The following ZNF146 variants were observed in gnomAD, a reference collection of about 807,000 sequenced individuals.
ZNF146 encodes the protein zinc finger protein 146.
ZNF146 carries 9 observed loss-of-function variants against 22.2 expected under a neutral mutation model. That is an observed-to-expected ratio of 0.41 (90% CI 0.24 to 0.71). The LOEUF is 0.71. Among genes scored for constraint, ZNF146 ranks in the 30% least tolerant of loss-of-function variants. ZNF146 has a pLI of 0.34. For missense variants in ZNF146, 194 were observed against 344.8 expected (o/e 0.56, Z 3.46); for synonymous variants, 108 against 119.2 (o/e 0.91, Z 0.61).
intron 2 of ZNF146, among the ~76,000 whole-genome samples, chr19:36,226,460 A>G (rs1176721316): frequency 6.6e-6 from 1 of 152,190 alleles, no homozygotes; most frequent in African/African-American, 2.4e-5. Context: ...TTACAACTTT[A>G]TAGAAGAGTT....
In ZNF146 at chr19:36,236,862, C is replaced by G. The variant is rs768499137; in HGVS notation, c.422C>G (p.Ser141Cys). ...TGTGGAAAAACCTTCAGTGGCAAAT[C>G]CAACCTTACTGAGCATGAGAAAATC... ...KECGKTFSGK[S>C]NLTEHEKIHI... is the part of the protein sequence containing the mutation. The change falls in exon 4 of 4, where the codon TCC (serine) becomes TGC (cysteine). Residue 141 changes from serine to cysteine, a missense_variant. Ser to Cys is a moderately radical substitution (Grantham distance 112). Around this residue, in one of 2 missense-constraint regions of ZNF146, gnomAD observed 147 missense variants for 300.1 expected, o/e 0.49. Coordinates refer to ENST00000443387, the MANE Select transcript of ZNF146 (RefSeq NM_007145.3). 6.2e-7 allele frequency: 1 copy of G among 1,614,102 alleles called. No homozygotes were observed. Among genetic ancestry groups the G allele is most frequent in the Non-Finnish European group, 8.5e-7 (1 of 1,180,012 alleles).
intron 2 of ZNF146, among the ~76,000 whole-genome samples, chr19:36,220,784 A>G (rs1220914163): frequency 6.6e-6 from 1 of 152,218 alleles, no homozygotes; most frequent in Non-Finnish European, 1.5e-5. Flanking sequence ...AGTAGTAACC[A>G]TAAACATACT....
At position 36,235,772 on chromosome 19, in the gene ZNF146, A is replaced by C. The variant is rs1977624458; in HGVS notation, c.-669A>C. 6.6e-6 allele frequency: 1 copy of C among 152,232 alleles called. No homozygotes were observed. The highest frequency in any genetic ancestry group is 1.5e-5 in the Non-Finnish European group (1 of 68,058). 9.4% of individuals were successfully genotyped at this position (152,232 alleles called of 1,614,324 possible). On this transcript the variant is annotated 5_prime_UTR_variant, in exon 4 of 4. Transcript: ENST00000443387. ...GAAAGACTGAGAAAAAGAGCGTTGA[A>C]TATAAGAAAAAATACTTCCTCTGTT...
intron 2 of ZNF146, among the ~76,000 whole-genome samples, chr19:36,224,000 A>G (rs1230174006): frequency 6.6e-6 from 1 of 152,144 alleles, no homozygotes; most frequent in African/African-American, 2.4e-5. Flanking sequence ...TAATCCATTT[A>G]GATTTTATCC....
At chr19:36,218,022 C>G (rs1976684094) in intron 1 of ZNF146, 100 bp from the exon 2 acceptor site, 1 of 151,374 alleles carries the variant, frequency 6.6e-6, no homozygotes, top group African/African-American at 2.4e-5. Flanking sequence ...CCAGGCTGGT[C>G]TCGAACTCCT....
chr19:36,219,329 T>A (rs1976743327), intron 2 of ZNF146, among the ~76,000 whole-genome samples: 2 of 152,064 alleles, frequency 1.3e-5, no homozygotes, highest in African/African-American at 4.8e-5. Context: ...GACCTGCTAA[T>A]TTTTAAACCT....
At position 36,235,489 on chromosome 19, in the gene ZNF146, G is replaced by A. The variant is rs560677704; in HGVS notation, c.-782-170G>A. Among the ~76,000 whole-genome samples the A allele has an allele frequency of 5.3e-5, 8 of 152,234 alleles. No homozygotes were observed. In the South Asian group the frequency reaches 1.7e-3, roughly 32 times the overall value. On this transcript the variant is annotated intron_variant, in intron 3 of 3. Coordinates refer to ENST00000443387, the MANE Select transcript of ZNF146 (RefSeq NM_007145.3). The stretch of plus-strand genomic sequence containing the variant: ...AGATTATTTTCATATTGGGAGATGG[G>A]CTACCAGAGTTAATCTCAAAAAATT...
intron 2 of ZNF146, among the ~76,000 whole-genome samples, chr19:36,218,841 G>A (rs184573286): frequency 7.1e-6 from 1 of 139,900 alleles, no homozygotes; most frequent in Non-Finnish European, 1.6e-5. Context: ...CAGAGTCTCG[G>A]TTTGTCGCCC....
At chr19:36,234,183 A>G (rs1042235170) in intron 3 of ZNF146, among the ~76,000 whole-genome samples, 1 of 152,196 alleles carries the variant, frequency 6.6e-6, no homozygotes, top group South Asian at 2.1e-4. Flanking sequence ...CACATGTTTC[A>G]GTGAGCACAG....
At chr19:36,225,048 T>A (rs1977009888) in intron 2 of ZNF146, among the ~76,000 whole-genome samples, 1 of 152,232 alleles carries the variant, frequency 6.6e-6, no homozygotes, top group Admixed American at 6.5e-5. Context: ...CTAATAGAAA[T>A]GCCTTCAGTG....
rs1977667429 is a variant in ZNF146 at position 36,237,007 on chromosome 19, T to C, written c.567T>C (p.Cys189=). The change falls in exon 4 of 4, where the codon TGT becomes TGC. Residue 189 remains cysteine (C), a synonymous_variant. Transcript: ENST00000443387. ...TGEKPYECNE[C]GKAFSQRTSL... is the part of the protein sequence containing the mutation. ...AGAAACCCTATGAATGTAACGAATG[T>C]GGAAAAGCCTTCTCTCAGCGAACAT... 6.2e-7 allele frequency: 1 copy of C among 1,614,080 alleles called. No homozygotes were observed. Among genetic ancestry groups the C allele is most frequent in the Non-Finnish European group, 8.5e-7 (1 of 1,180,030 alleles).
intron 3 of ZNF146, among the ~76,000 whole-genome samples, chr19:36,235,119 G>T (rs995789372): frequency 1.3e-5 from 2 of 151,432 alleles, no homozygotes; most frequent in African/African-American, 4.9e-5. Context: ...TGAGGCTAGA[G>T]AATTGCTTGA....
At chr19:36,227,345 C>T (rs1281173501) in intron 2 of ZNF146, among the ~76,000 whole-genome samples, 7 of 149,344 alleles carry the variant, frequency 4.7e-5, no homozygotes, top group Admixed American at 6.7e-5. Context: ...GCAGAGATCA[C>T]GTCACTGCAC....
At chr19:36,234,509 G>A (rs900436270) in intron 3 of ZNF146, among the ~76,000 whole-genome samples, 1 of 152,144 alleles carries the variant, frequency 6.6e-6, no homozygotes, top group African/African-American at 2.4e-5. Context: ...TAAAATTACA[G>A]AATGTAATCA....
intron 2 of ZNF146, among the ~76,000 whole-genome samples, chr19:36,221,535 G>A (rs1009089030): frequency 3.9e-5 from 6 of 152,038 alleles, no homozygotes; most frequent in Middle Eastern, 3.4e-3. Flanking sequence ...TGATCCACCC[G>A]CATCAGCCTC....
chr19:36,231,471 A>T (rs1485110422), intron 3 of ZNF146, among the ~76,000 whole-genome samples: 1 of 152,128 alleles, frequency 6.6e-6, no homozygotes, highest in African/African-American at 2.4e-5. Flanking sequence ...AGCCTCTCAA[A>T]GTGCTAGGAT....
chr19:36,218,127 CAT>C lies in ZNF146; in HGVS notation c.-921_-920del, dbSNP rs1415078401. The C allele has an allele frequency of 2.6e-5, 3 of 114,032 alleles. No homozygotes were observed. The highest frequency in any genetic ancestry group is 5.3e-5 in the Non-Finnish European group (3 of 56,612). The allele number at this position is 114,032 out of a possible 1,614,324, so 7.1% of individuals were successfully genotyped here. ...TTTTTTTTTTTAAATTAAAGGAAGA[CAT>C]AGGCCAAGGAGCCAGACTTCCTGTG... On this transcript the variant is annotated 5_prime_UTR_variant, in exon 2 of 4. Transcript: ENST00000443387.
chr19:36,236,391 A>G lies in ZNF146; in HGVS notation c.-50A>G, dbSNP rs763646838. On this transcript the variant is annotated 5_prime_UTR_variant, in exon 4 of 4. Coordinates refer to ENST00000443387, the MANE Select transcript of ZNF146 (RefSeq NM_007145.3). The stretch of plus-strand genomic sequence containing the variant: ...CAAAAGTAAATCCTCACTCATCAAG[A>G]AATTTTTACTGGAGAGAAACCTTGT... 5 of 1,541,194 alleles carry G rather than the reference A, an allele frequency of 3.2e-6. No homozygotes were observed. The highest frequency in any genetic ancestry group is 1.3e-5 in the South Asian group (1 of 77,488).
At chr19:36,230,220 A>G (rs1055358595) in intron 3 of ZNF146, among the ~76,000 whole-genome samples, 4 of 152,234 alleles carry the variant, frequency 2.6e-5, no homozygotes, top group African/African-American at 9.6e-5. Flanking sequence ...CATTGCTCTC[A>G]AAAGAAGTAA....
Sources: allele counts gnomAD v4.1 joint callset (sites outside exome capture counted in the v4.1 genomes callset), GRCh38; gene constraint gnomAD v4.1.1; regional missense constraint gnomAD v4.1.1; transcripts MANE v1.5; gene names NCBI Gene and HGNC (gene_info 2026-07-23, HGNC 2026-07-21).